MDFIC: variants seen among roughly 807,000 people sequenced by gnomAD.
MDFIC encodes the protein MyoD family inhibitor domain containing, also known as myoD family inhibitor domain-containing protein.
MDFIC carries 17 observed loss-of-function variants against 23.2 expected under a neutral mutation model. The observed-to-expected ratio is 0.73, with a 90% confidence interval of 0.50 to 1.10. The LOEUF (loss-of-function observed/expected upper bound fraction) is 1.10, where lower values mean the gene tolerates loss of function less well. MDFIC is among the 50% of genes least tolerant of loss of function. The probability of loss-of-function intolerance (pLI) is 0.00; values close to 1 mark genes in which losing one functional copy is unlikely to be tolerated. For missense variants in MDFIC, 356 were observed against 316.6 expected (o/e 1.12, Z -0.95); for synonymous variants, 120 against 115.2 (o/e 1.04, Z -0.27).
chr7:114,966,662 A>G (rs1305377917), intron 3 of MDFIC, among the ~76,000 whole-genome samples: 2 of 152,214 alleles, frequency 1.3e-5, no homozygotes, highest in Non-Finnish European at 2.9e-5. Flanking sequence ...AAAGAACAAA[A>G]TAATATTTAC....
chr7:114,995,731 C>T (rs772479275), intron 4 of MDFIC, among the ~76,000 whole-genome samples: 9 of 152,180 alleles, frequency 5.9e-5, no homozygotes, highest in Non-Finnish European at 7.4e-5. Context: ...GGTACTCAGC[C>T]GTGTGAGGTG....
intron 4 of MDFIC, among the ~76,000 whole-genome samples, chr7:114,992,363 C>G (rs1791190318): frequency 1.1e-5 from 1 of 93,296 alleles, no homozygotes; most frequent in African/African-American, 4.2e-5. Context: ...CCTGATTGCC[C>G]TGGCCAGAAC....
chr7:114,943,474 T>C (rs1354916845), intron 3 of MDFIC, among the ~76,000 whole-genome samples: 1 of 152,076 alleles, frequency 6.6e-6, no homozygotes, highest in Non-Finnish European at 1.5e-5. Flanking sequence ...AAAATGAGTG[T>C]TTTAGGTTAA....
intron 3 of MDFIC, among the ~76,000 whole-genome samples, chr7:114,946,944 T>C (rs1242562311): frequency 6.6e-6 from 1 of 152,202 alleles, no homozygotes; most frequent in African/African-American, 2.4e-5. Context: ...GCCTCCTTTA[T>C]GTAAAATACT....
At chr7:114,942,002 A>G (rs759098405) in intron 2 of MDFIC, among the ~76,000 whole-genome samples, 2 of 152,194 alleles carry the variant, frequency 1.3e-5, no homozygotes, top group African/African-American at 2.4e-5. Flanking sequence ...ATCATGGCAC[A>G]TCACTTGCTG....
chr7:114,990,193 T>A (rs533823326), intron 4 of MDFIC, among the ~76,000 whole-genome samples: 3 of 152,328 alleles, frequency 2.0e-5, no homozygotes, highest in African/African-American at 7.2e-5. Flanking sequence ...AAGCTTAATC[T>A]ATAATAAAAA....
At chr7:114,930,290 A>T (rs895390017) in intron 2 of MDFIC, among the ~76,000 whole-genome samples, 2 of 152,154 alleles carry the variant, frequency 1.3e-5, no homozygotes, top group Admixed American at 1.3e-4. Context: ...ATAGGGTTGG[A>T]GGTTGGCAGG....
chr7:115,017,119 G>A lies in MDFIC; in HGVS notation c.*1184G>A, dbSNP rs991281974. 1 of 152,154 alleles carries A rather than the reference G, an allele frequency of 6.6e-6. No individual in the cohort carries two copies. The allele number at this position is 152,154 out of a possible 1,614,324, so 9.4% of individuals were successfully genotyped here. On this transcript the variant is annotated 3_prime_UTR_variant, in exon 5 of 5. Coordinates refer to ENST00000393486, the MANE Select transcript of MDFIC (RefSeq NM_001166345.3). The stretch of plus-strand genomic sequence containing the variant: ...TTTAGGTGGACACCCTAAACTGTGT[G>A]TGCCTTTAACCAGTTAAAAGAACAG...
chr7:114,982,418 G>T (rs1014119127), intron 4 of MDFIC, among the ~76,000 whole-genome samples: 11 of 152,060 alleles, frequency 7.2e-5, no homozygotes, highest in African/African-American at 2.7e-4. Context: ...GTTTGGTCAG[G>T]TTGGCTCATA....
At chr7:115,010,540 C>T (rs557413799) in intron 4 of MDFIC, among the ~76,000 whole-genome samples, 17 of 152,204 alleles carry the variant, frequency 1.1e-4, no homozygotes, top group African/African-American at 4.1e-4. Context: ...GTAGATACTT[C>T]TGTAGATACA....
Position 115,018,334 on chromosome 7 carries a change from G to A in MDFIC, c.*2399G>A, listed in dbSNP as rs940802443. The A allele has an allele frequency of 2.6e-5, 4 of 151,942 alleles. No homozygotes were observed. The highest frequency in any genetic ancestry group is 9.7e-5 in the African/African-American group (4 of 41,436). 9.4% of individuals were successfully genotyped at this position (151,942 alleles called of 1,614,324 possible). A position where few individuals can be genotyped will look rare whatever the true frequency, so the allele number is the denominator to read the frequency against. On this transcript the variant is annotated 3_prime_UTR_variant, in exon 5 of 5. Transcript: ENST00000393486. ...TTTATATGCAAAGTTTTTCAACCAA[G>A]TGGTTTGTCTAATATTTAAACATGT...
intron 4 of MDFIC, among the ~76,000 whole-genome samples, chr7:114,988,313 T>C (rs1793547774): frequency 6.6e-6 from 1 of 152,154 alleles, no homozygotes; most frequent in East Asian, 1.9e-4. Context: ...TTCAGAATAA[T>C]GGAAAGAATT....
chr7:114,941,685 C>T (rs1792542907), intron 2 of MDFIC, among the ~76,000 whole-genome samples: 1 of 152,146 alleles, frequency 6.6e-6, no homozygotes, highest in Non-Finnish European at 1.5e-5. Flanking sequence ...CTTTACATTT[C>T]CTTACATGTT....
intron 2 of MDFIC, among the ~76,000 whole-genome samples, chr7:114,932,096 C>T (rs1427508047): frequency 1.3e-5 from 2 of 152,078 alleles, no homozygotes; most frequent in African/African-American, 4.8e-5. Flanking sequence ...ATTTATTTCT[C>T]ATGGGGATAC....
At chr7:114,979,839 T>G in intron 4 of MDFIC, 58 bp downstream of exon 4, 1 of 1,551,332 alleles carries the variant, frequency 6.4e-7, no homozygotes, top group Non-Finnish European at 8.9e-7. Flanking sequence ...TATTTCCTGG[T>G]AATTATTTGA....
intron 3 of MDFIC, among the ~76,000 whole-genome samples, chr7:114,954,040 T>G (rs754050556): frequency 1.3e-5 from 2 of 152,206 alleles, no homozygotes; most frequent in Non-Finnish European, 2.9e-5. Context: ...GGTCAGGATT[T>G]CCCAGTCTCA....
intron 4 of MDFIC, among the ~76,000 whole-genome samples, chr7:114,994,088 C>T (rs1355339446): frequency 6.6e-6 from 1 of 152,156 alleles, no homozygotes; most frequent in Admixed American, 6.5e-5. Context: ...GAATTGATCC[C>T]TTTACCATTA....
chr7:114,927,166 C>T (rs1024685450), intron 2 of MDFIC, among the ~76,000 whole-genome samples: 12 of 152,172 alleles, frequency 7.9e-5, no homozygotes, highest in Admixed American at 5.9e-4. Context: ...TTTTTGGTTT[C>T]ATCCCAGACT....
Position 114,936,541 on chromosome 7 carries a change from A to G in MDFIC, c.95-5734A>G, listed in dbSNP as rs2709484. On this transcript the variant is annotated intron_variant, in intron 2 of 4. Transcript: ENST00000393486. ...ACTAAGAGTAGTTATAAATGACTTG[A>G]TAGCAGATTTATGTTTAAAAAAAAA... Among the ~76,000 whole-genome samples the G allele has an allele frequency of 8.8e-3, 1,335 of 152,276 alleles. 19 individuals carry two copies. The highest frequency in any genetic ancestry group is 0.03 in the African/African-American group (1,259 of 41,550).
Sources: gnomAD v4.1 joint callset for allele counts (sites outside exome capture counted in the v4.1 genomes callset) on GRCh38, gnomAD v4.1.1 for gene constraint, MANE v1.5 for transcripts, NCBI Gene and HGNC (gene_info 2026-07-23, HGNC 2026-07-21) for gene names.